CSMD3: variants seen among roughly 807,000 people sequenced by gnomAD.
CSMD3 encodes CUB and sushi domain-containing protein 3.
A neutral mutation model predicts 435.2 loss-of-function variants in CSMD3; 177 were observed. The ratio of observed to expected loss-of-function variants is 0.41; its 90% CI spans 0.36 to 0.46. CSMD3 has a LOEUF of 0.46. CSMD3 is among the 20% of genes least tolerant of loss of function. The probability of loss-of-function intolerance (pLI) is 0.34; values close to 1 mark genes in which losing one functional copy is unlikely to be tolerated. For missense variants in CSMD3, 4,265 were observed against 4,504.6 expected, an observed-to-expected ratio of 0.95 and a Z score of 1.52; for synonymous variants, 1,656 against 1,520.5, an observed-to-expected ratio of 1.09 and a Z score of -2.07.
chr8:113,138,034 T>C (rs2091458560), intron 4 of CSMD3, among the ~76,000 whole-genome samples: 1 of 151,582 alleles, frequency 6.6e-6, no homozygotes, highest in South Asian at 2.1e-4. Context: ...TGTTCTGCCC[T>C]ATCAAATATG....
intron 23 of CSMD3, among the ~76,000 whole-genome samples, chr8:112,586,309 C>G (rs770129203): frequency 6.6e-6 from 1 of 150,990 alleles, no homozygotes; most frequent in Non-Finnish European, 1.5e-5. Flanking sequence ...TAGAAAAAAG[C>G]TACATAACTA....
intron 4 of CSMD3, among the ~76,000 whole-genome samples, chr8:113,151,398 T>C (rs112050826): frequency 8.6e-5 from 13 of 151,970 alleles, no homozygotes; most frequent in African/African-American, 3.1e-4. Context: ...TTGTTACATT[T>C]TAAGACAAAA....
At chr8:113,011,270 T>C (rs2086245852) in intron 6 of CSMD3, among the ~76,000 whole-genome samples, 1 of 151,858 alleles carries the variant, frequency 6.6e-6, no homozygotes, top group African/African-American at 2.4e-5. Flanking sequence ...GGATTAACTT[T>C]TAATTCATGA....
chr8:112,990,118 T>C (rs190759164), intron 6 of CSMD3, among the ~76,000 whole-genome samples: 325 of 152,108 alleles, frequency 2.1e-3, no homozygotes, highest in Middle Eastern at 0.01. Flanking sequence ...TCAATTAAAA[T>C]TTTTCCTTTA....
chr8:112,309,004 C>CT (rs1001143673), intron 50 of CSMD3, among the ~76,000 whole-genome samples: 4 of 151,828 alleles, frequency 2.6e-5, no homozygotes, highest in African/African-American at 9.7e-5. Flanking sequence ...TTTTCTTAAT[C>CT]TTTTTTAACA....
intron 23 of CSMD3, among the ~76,000 whole-genome samples, chr8:112,581,796 T>C (rs993452957): frequency 1.3e-5 from 2 of 151,970 alleles, no homozygotes; most frequent in African/African-American, 4.8e-5. Flanking sequence ...AGATCAGTGC[T>C]ATGAAGAAGA....
intron 31 of CSMD3, among the ~76,000 whole-genome samples, chr8:112,476,555 C>G (rs947707154): frequency 6.6e-6 from 1 of 152,054 alleles, no homozygotes; most frequent in African/African-American, 2.4e-5. Context: ...TAAGAACATA[C>G]TTTGCAAAAG....
At chr8:113,298,074 AAT>A (rs1456186548) in intron 2 of CSMD3, among the ~76,000 whole-genome samples, 6 of 152,256 alleles carry the variant, frequency 3.9e-5, no homozygotes, top group African/African-American at 1.4e-4. Flanking sequence ...AATGTCAAAT[AAT>A]AGAGAATAGT....
intron 24 of CSMD3, among the ~76,000 whole-genome samples, chr8:112,562,133 A>G (rs1302128762): frequency 2.0e-5 from 3 of 151,662 alleles, no homozygotes; most frequent in Admixed American, 6.6e-5. Flanking sequence ...CTCCTAATCA[A>G]TTACTTAACT....
intron 1 of CSMD3, among the ~76,000 whole-genome samples, chr8:113,324,864 C>G (rs1330106904): frequency 6.6e-6 from 1 of 152,192 alleles, no homozygotes; most frequent in African/African-American, 2.4e-5. Context: ...CTGCCCAAGA[C>G]CATGAGAACC....
Position 112,314,827 on chromosome 8 carries a change from T to A in CSMD3, c.7361-210A>T, listed in dbSNP as rs528354337. Among the ~76,000 whole-genome samples the A allele has an allele frequency of 5.3e-5, 8 of 152,156 alleles. No individual in the cohort carries two copies. In the South Asian group the frequency reaches 1.7e-3, roughly 32 times the overall value. On this transcript the variant is annotated intron_variant, in intron 47 of 70. Coordinates refer to ENST00000297405, the MANE Select transcript of CSMD3 (RefSeq NM_198123.2). ...TTTATAGTATTGATTTATTTTTTAT[T>A]ACATGGAAGATGCACCACTTTCTGG...
At chr8:113,236,278 C>A (rs545164888) in intron 3 of CSMD3, among the ~76,000 whole-genome samples, 1 of 152,252 alleles carries the variant, frequency 6.6e-6, no homozygotes, top group African/African-American at 2.4e-5. Flanking sequence ...AAAGAGATTC[C>A]CCTTAAGGCA....
intron 32 of CSMD3, among the ~76,000 whole-genome samples, chr8:112,425,814 T>C (rs756463982): frequency 2.0e-5 from 3 of 152,076 alleles, no homozygotes; most frequent in Admixed American, 6.6e-5. Context: ...GTGTGTGTGT[T>C]AAAATAGTAG....
At chr8:112,580,109 A>G (rs2131326317) in intron 23 of CSMD3, among the ~76,000 whole-genome samples, 1 of 152,188 alleles carries the variant, frequency 6.6e-6, no homozygotes, top group African/African-American at 2.4e-5. Flanking sequence ...AAAACAGAAA[A>G]TAGTATTTCT....
At chr8:112,288,032 A>AAGAG (rs143895303) in intron 57 of CSMD3, among the ~76,000 whole-genome samples, 235 of 149,384 alleles carry the variant, frequency 1.6e-3, no homozygotes, top group African/African-American at 2.3e-3. Context: ...GCTAGAGAGA[A>AAGAG]AGAGAGAGAG....
At chr8:112,301,059 C>T (rs1172316591) in intron 53 of CSMD3, among the ~76,000 whole-genome samples, 2 of 151,926 alleles carry the variant, frequency 1.3e-5, no homozygotes, top group Non-Finnish European at 2.9e-5. Context: ...TCATTATTAC[C>T]TAACTCAATA....
At chr8:112,468,228 T>A (rs2130725467) in intron 32 of CSMD3, among the ~76,000 whole-genome samples, 1 of 141,920 alleles carries the variant, frequency 7.0e-6, no homozygotes, top group East Asian at 2.1e-4. Context: ...TCCAATTGCC[T>A]AAAGTATTTT....
At chr8:113,302,433 G>C (rs1239862647) in intron 2 of CSMD3, among the ~76,000 whole-genome samples, 1 of 150,068 alleles carries the variant, frequency 6.7e-6, no homozygotes, top group African/African-American at 2.4e-5. Flanking sequence ...GTTTTTAACA[G>C]ATACAGAGTA....
chr8:112,383,157 T>G (rs899156064), intron 37 of CSMD3, among the ~76,000 whole-genome samples: 1 of 152,194 alleles, frequency 6.6e-6, no homozygotes, highest in African/African-American at 2.4e-5. Flanking sequence ...TTCTCTTTAT[T>G]CTCATTTAAC....
Sources: gnomAD v4.1 joint callset for allele counts (sites outside exome capture counted in the v4.1 genomes callset) on GRCh38, gnomAD v4.1.1 for gene constraint, MANE v1.5 for transcripts, NCBI Gene and HGNC (gene_info 2026-07-23, HGNC 2026-07-21) for gene names.